CSMD1: variants seen among roughly 807,000 people sequenced by gnomAD.
CSMD1 encodes CUB and sushi domain-containing protein 1.
Under a neutral mutation model 417.5 loss-of-function variants are expected in CSMD1, and 213 were observed. That is an observed-to-expected ratio of 0.51 (90% confidence interval 0.46 to 0.57). The LOEUF (loss-of-function observed/expected upper bound fraction) is 0.57. CSMD1 is among the 20% of genes least tolerant of loss of function. The probability of loss-of-function intolerance (pLI) is 0.00; values close to 1 mark genes in which losing one functional copy is unlikely to be tolerated. For missense variants in CSMD1, 6,923 were observed against 4,529.7 expected (o/e 1.53, Z -15.17); for synonymous variants, 2,862 against 1,736.8 (o/e 1.65, Z -16.11).
chr8:3,369,857 A>T (rs903791479), intron 18 of CSMD1, among the ~76,000 whole-genome samples: 2 of 152,164 alleles, frequency 1.3e-5, no homozygotes, highest in African/African-American at 4.8e-5. Context: ...TAAGTGCTCA[A>T]CTCTGATGTT....
chr8:3,699,361 T>G (rs59581672), intron 7 of CSMD1, among the ~76,000 whole-genome samples: 2,912 of 152,310 alleles, frequency 0.019, 87 homozygotes, highest in African/African-American at 0.067. Flanking sequence ...GATGAATTAT[T>G]TAATTATTTG....
chr8:3,191,172 C>G (rs745855074), intron 33 of CSMD1, among the ~76,000 whole-genome samples: 24 of 152,272 alleles, frequency 1.6e-4, no homozygotes, highest in African/African-American at 4.1e-4. Context: ...TAACAAGCCC[C>G]AGCCGGGTGC....
chr8:4,706,262 A>G (rs1455122958), intron 1 of CSMD1, among the ~76,000 whole-genome samples: 1 of 151,990 alleles, frequency 6.6e-6, no homozygotes. Context: ...CTGACCTAAA[A>G]TTTCTCTTTT....
intron 47 of CSMD1, among the ~76,000 whole-genome samples, chr8:3,092,224 T>C (rs575724293): frequency 2.0e-5 from 3 of 152,164 alleles, no homozygotes; most frequent in African/African-American, 7.2e-5. Context: ...GAAGATTCCA[T>C]GAAAAAGAAT....
chr8:4,481,012 G>A (rs1801071029), intron 2 of CSMD1, among the ~76,000 whole-genome samples: 2 of 152,124 alleles, frequency 1.3e-5, no homozygotes, highest in Non-Finnish European at 2.9e-5. Flanking sequence ...CAATAAAACA[G>A]CTATTTGTTT....
chr8:3,396,874 C>T (rs1328623262), intron 16 of CSMD1, among the ~76,000 whole-genome samples: 1 of 151,614 alleles, frequency 6.6e-6, no homozygotes, highest in Non-Finnish European at 1.5e-5. Context: ...GTTTAAACAC[C>T]TTTCCTGAAA....
At chr8:3,465,167 T>A (rs561685366) in intron 12 of CSMD1, among the ~76,000 whole-genome samples, 130 of 152,224 alleles carry the variant, frequency 8.5e-4, no homozygotes, top group African/African-American at 2.5e-3. Flanking sequence ...ATCCCTGTTG[T>A]TTTTCAGTCT....
rs377100968 is a variant in CSMD1 at position 4,420,012 on chromosome 8, G to C, written c.356C>G (p.Thr119Ser). ...SSIVSTGSILTLWFTTDFAVS... is the reference protein window; with the variant it reads ...SSIVSTGSILSLWFTTDFAVS... Reference sequence around the variant, plus strand: ...AGCGAAGTCTGTCGTGAACCACAGAGTGAGGATAGATCCTGTACTCACTAT... The same window carrying C: ...AGCGAAGTCTGTCGTGAACCACAGACTGAGGATAGATCCTGTACTCACTAT... The change falls in exon 3 of 70, where the codon ACT becomes AGT. Residue 119 changes from threonine to serine, a missense_variant. By Grantham distance (58) the Thr-to-Ser change is moderately conservative. Coordinates refer to ENST00000635120, the MANE Select transcript of CSMD1 (RefSeq NM_033225.6). The C allele has an allele frequency of 7.6e-6, 12 of 1,587,828 alleles. No homozygotes were observed. The highest frequency in any genetic ancestry group is 1.0e-5 in the Non-Finnish European group (12 of 1,166,038).
chr8:3,907,709 C>T (rs180835206), intron 5 of CSMD1, among the ~76,000 whole-genome samples: 2 of 152,284 alleles, frequency 1.3e-5, no homozygotes, highest in Admixed American at 1.3e-4. Flanking sequence ...CTGTGGATTG[C>T]TGCCCTGAGA....
intron 10 of CSMD1, among the ~76,000 whole-genome samples, chr8:3,498,355 G>T (rs1242990336): frequency 6.6e-6 from 1 of 152,200 alleles, no homozygotes. Flanking sequence ...CAGGAGAACT[G>T]TGATATCCAT....
intron 5 of CSMD1, among the ~76,000 whole-genome samples, chr8:3,989,225 G>A (rs2130265286): frequency 1.3e-5 from 2 of 152,272 alleles, no homozygotes; most frequent in Non-Finnish European, 2.9e-5. Context: ...CTATTTTACA[G>A]ACAGTGATCT....
chr8:3,924,380 T>G (rs79730852), intron 5 of CSMD1, among the ~76,000 whole-genome samples: 3 of 152,128 alleles, frequency 2.0e-5, no homozygotes, highest in Non-Finnish European at 4.4e-5. Context: ...ATTTAATTCA[T>G]TGGGCTTCAT....
intron 3 of CSMD1, among the ~76,000 whole-genome samples, chr8:4,158,798 C>G (rs560238282): frequency 6.6e-6 from 1 of 152,238 alleles, no homozygotes; most frequent in African/African-American, 2.4e-5. Flanking sequence ...AGAACTTTCC[C>G]AAGTTTATCA....
chr8:4,238,186 G>C (rs145299982), intron 3 of CSMD1, among the ~76,000 whole-genome samples: 42 of 152,202 alleles, frequency 2.8e-4, no homozygotes, highest in Non-Finnish European at 4.6e-4. Context: ...AGAATGCCAA[G>C]TACGTCGATA....
rs144223541 is a variant in CSMD1 at position 3,642,699 on chromosome 8, G to A, written c.1010-25902C>T. ...TTATAGGAAAGAGGATACAAAAGAAGTATATTTAACATATATCTATTAGTA... is the reference window on the plus strand; with the variant it reads ...TTATAGGAAAGAGGATACAAAAGAAATATATTTAACATATATCTATTAGTA... On this transcript the variant is annotated intron_variant, in intron 7 of 69. Coordinates refer to ENST00000635120, the MANE Select transcript of CSMD1 (RefSeq NM_033225.6). Among the ~76,000 whole-genome samples, 18 of 152,184 alleles carry A rather than the reference G, an allele frequency of 1.2e-4. No individual in the cohort carries two copies. In the East Asian group the frequency reaches 2.1e-3, roughly 18 times the overall value.
chr8:3,695,011 C>G (rs1013916039), intron 7 of CSMD1, among the ~76,000 whole-genome samples: 1 of 150,554 alleles, frequency 6.6e-6, no homozygotes, highest in Non-Finnish European at 1.5e-5. Context: ...GGACATTAGA[C>G]GAAGACATGA....
chr8:3,613,227 T>C (rs767484527), intron 8 of CSMD1: 13 of 370,732 alleles, frequency 3.5e-5, no homozygotes, highest in Non-Finnish European at 6.4e-5. Context: ...AAGTAGATCA[T>C]CTACATAAGC....
intron 26 of CSMD1, among the ~76,000 whole-genome samples, chr8:3,258,826 C>G (rs1800846065): frequency 6.6e-6 from 1 of 152,170 alleles, no homozygotes; most frequent in Non-Finnish European, 1.5e-5. Flanking sequence ...TTATTCTTAG[C>G]AAACAAATGC....
intron 1 of CSMD1, among the ~76,000 whole-genome samples, chr8:4,689,158 C>G (rs1487446320): frequency 1.3e-5 from 2 of 152,176 alleles, no homozygotes; most frequent in Non-Finnish European, 2.9e-5. Flanking sequence ...GCAAAGGTAA[C>G]AGGCCCCAAA....
Sources: gnomAD v4.1 joint callset for allele counts (sites outside exome capture counted in the v4.1 genomes callset) on GRCh38, gnomAD v4.1.1 for gene constraint, MANE v1.5 for transcripts, NCBI Gene and HGNC (gene_info 2026-07-23, HGNC 2026-07-21) for gene names.